MARK3: variants seen among roughly 807,000 people sequenced by gnomAD.
The protein encoded by MARK3 is microtubule affinity regulating kinase 3, also known as MAP/microtubule affinity-regulating kinase 3.
Under a neutral mutation model 90.1 loss-of-function variants are expected in MARK3, and 46 were observed. The observed-to-expected ratio is 0.51, with a 90% confidence interval of 0.40 to 0.65. MARK3 has a LOEUF of 0.65. MARK3 is among the 30% of genes least tolerant of loss of function. The pLI is 0.00. For missense variants in MARK3, 818 were observed against 947.2 expected, an observed-to-expected ratio of 0.86 and a Z score of 1.79; for synonymous variants, 321 against 332.6, an observed-to-expected ratio of 0.97 and a Z score of 0.38.
At chr14:103,476,261 C>T (rs1212367186) in intron 13 of MARK3, among the ~76,000 whole-genome samples, 1 of 152,168 alleles carries the variant, frequency 6.6e-6, no homozygotes, top group Admixed American at 6.5e-5. Context: ...AGCCTACGTG[C>T]ACACACGGGG....
At chr14:103,460,100 TTTTTG>T (rs1210503653) in intron 6 of MARK3, among the ~76,000 whole-genome samples, 6 of 112,718 alleles carry the variant, frequency 5.3e-5, no homozygotes, top group Non-Finnish European at 1.2e-4. Context: ...TTTTTTTTTT[TTTTTG>T]AGACAAATCT....
At chr14:103,398,361 C>T (rs1032284846) in intron 1 of MARK3, among the ~76,000 whole-genome samples, 1 of 152,204 alleles carries the variant, frequency 6.6e-6, no homozygotes, top group Non-Finnish European at 1.5e-5. Context: ...TTTTCCCTAT[C>T]TAACAGGCCT....
intron 6 of MARK3, chr14:103,458,937 G>T: frequency 4.7e-6 from 2 of 429,490 alleles, no homozygotes; most frequent in Admixed American, 4.1e-5. Flanking sequence ...CTCTGATCCT[G>T]TTTTTAAAGC....
intron 2 of MARK3, among the ~76,000 whole-genome samples, chr14:103,419,083 T>C (rs951988164): frequency 1.3e-5 from 2 of 152,054 alleles, no homozygotes; most frequent in African/African-American, 4.8e-5. Flanking sequence ...GGTCAGGAGA[T>C]CGAGACCATC....
chr14:103,467,496 C>T (rs1419675130), intron 11 of MARK3: 1 of 185,430 alleles, frequency 5.4e-6, no homozygotes, highest in Non-Finnish European at 1.1e-5. Context: ...GAAACTCTGT[C>T]TCTGCTAAAA....
intron 14 of MARK3, among the ~76,000 whole-genome samples, chr14:103,485,121 T>C (rs1341304059): frequency 1.5e-4 from 22 of 147,602 alleles, no homozygotes; most frequent in Non-Finnish European, 3.0e-4. Context: ...TCCCAGCTAC[T>C]TGGGAGGCCG....
intron 15 of MARK3, among the ~76,000 whole-genome samples, chr14:103,495,757 T>C (rs1341840067): frequency 3.3e-5 from 5 of 152,014 alleles, no homozygotes; most frequent in African/African-American, 1.2e-4. Context: ...TTAACTGAGG[T>C]CTGTTGTCTC....
intron 4 of MARK3, 73 bp from the exon 5 acceptor site, chr14:103,451,845 G>C (rs2273702): frequency 0.67 from 655,315 of 978,606 alleles, 224,044 homozygotes; most frequent in Non-Finnish European, 0.71. Context: ...TTCATAGTTA[G>C]AGTTTATATG....
intron 1 of MARK3, among the ~76,000 whole-genome samples, chr14:103,393,147 A>AT (rs1480763913): frequency 1.3e-5 from 2 of 151,950 alleles, no homozygotes; most frequent in Non-Finnish European, 2.9e-5. Flanking sequence ...TGCCCAGCTG[A>AT]TTTTTTTGTA....
At chr14:103,408,452 G>T (rs1427608715) in intron 2 of MARK3, among the ~76,000 whole-genome samples, 1 of 152,196 alleles carries the variant, frequency 6.6e-6, no homozygotes, top group African/African-American at 2.4e-5. Context: ...GCCTCCCAGA[G>T]TGCTGGGATT....
At position 103,451,946 on chromosome 14, in the gene MARK3, A is replaced by G. The variant is rs1471403296; in HGVS notation, c.375A>G (p.Glu125=). 8 of 1,612,722 alleles carry G rather than the reference A, an allele frequency of 5.0e-6. No homozygotes were observed. The Admixed American group carries it at 1.3e-4, about 27-fold the overall frequency. Residue 125 remains glutamate, a synonymous_variant, in exon 5 of 18, where the codon GAA becomes GAG. Transcript: ENST00000429436. The part of the protein sequence containing the change: ...IVKLFEVIET[E]KTLYLIMEYA... Reference sequence around the variant, plus strand: ...AGTTATTCGAAGTCATTGAAACTGAAAAAACACTCTACCTAATCATGGAAT... The same window carrying G: ...AGTTATTCGAAGTCATTGAAACTGAGAAAACACTCTACCTAATCATGGAAT...
chr14:103,447,973 A>C (rs887500790), intron 3 of MARK3, among the ~76,000 whole-genome samples: 2 of 152,080 alleles, frequency 1.3e-5, no homozygotes, highest in African/African-American at 4.8e-5. Context: ...GGGTTTCACC[A>C]TGTTGCCCAG....
chr14:103,474,982 CTT>C lies in MARK3; in HGVS notation c.1265-9_1265-8del, dbSNP rs757340147. The C allele has an allele frequency of 9.4e-6, 15 of 1,601,706 alleles. No homozygotes were observed. The highest frequency in any genetic ancestry group is 1.3e-5 in the Non-Finnish European group (15 of 1,169,992). On this transcript the variant is annotated splice_polypyrimidine_tract_variant and intron_variant, in intron 12 of 17. Transcript: ENST00000429436. Reference sequence around the variant, plus strand: ...TATTCAGTCATTTAAAAAATGAACTCTTTATTTTAGCTGGACCAGCTATTCCT... The same window carrying C: ...TATTCAGTCATTTAAAAAATGAACTCTATTTTAGCTGGACCAGCTATTCCT...
chr14:103,400,389 C>T (rs2090880488), intron 1 of MARK3, among the ~76,000 whole-genome samples: 1 of 152,138 alleles, frequency 6.6e-6, no homozygotes, highest in South Asian at 2.1e-4. Context: ...TGTGGTCTCC[C>T]TAAACACGTG....
chr14:103,394,988 C>T (rs2090488904), intron 1 of MARK3, among the ~76,000 whole-genome samples: 1 of 152,084 alleles, frequency 6.6e-6, no homozygotes, highest in African/African-American at 2.4e-5. Context: ...TCACCATGGC[C>T]AGGCTGGTCT....
chr14:103,408,599 C>T (rs1200164159), intron 2 of MARK3, among the ~76,000 whole-genome samples: 2 of 152,190 alleles, frequency 1.3e-5, no homozygotes, highest in Admixed American at 6.5e-5. Flanking sequence ...GCATTCATGC[C>T]TGCAGCCCAC....
intron 2 of MARK3, among the ~76,000 whole-genome samples, chr14:103,414,785 G>A (rs546271117): frequency 1.1e-4 from 17 of 152,268 alleles, no homozygotes; most frequent in African/African-American, 4.1e-4. Flanking sequence ...AAAGAAGGGA[G>A]TAGGGACAAT....
Position 103,493,684 on chromosome 14 carries a change from G to A in MARK3, c.1844+1650G>A, listed in dbSNP as rs1046307329. 2.0e-5 allele frequency among the ~76,000 whole-genome samples: 3 copies of A among 151,784 alleles called. No individual in the cohort carries two copies. The South Asian group carries it at 6.3e-4, about 32-fold the overall frequency. On this transcript the variant is annotated intron_variant, in intron 15 of 17. Coordinates refer to ENST00000429436, the MANE Select transcript of MARK3 (RefSeq NM_001128918.3). Reference sequence around the variant, plus strand: ...GAAGTCAGGAGTTTGAGACCAGCCTGACCAATATGGTGAAACCCCATCTCT... The same window carrying A: ...GAAGTCAGGAGTTTGAGACCAGCCTAACCAATATGGTGAAACCCCATCTCT...
chr14:103,407,661 A>C (rs1337521006), intron 2 of MARK3, among the ~76,000 whole-genome samples: 1 of 140,476 alleles, frequency 7.1e-6, no homozygotes, highest in East Asian at 2.4e-4. Flanking sequence ...CCTGGGTTCA[A>C]GCAATTCTCC....
Sources: gnomAD v4.1 joint callset for allele counts (sites outside exome capture counted in the v4.1 genomes callset) on GRCh38, gnomAD v4.1.1 for gene constraint, MANE v1.5 for transcripts, NCBI Gene and HGNC (gene_info 2026-07-23, HGNC 2026-07-21) for gene names.